The following PTCHD4 variants were observed in gnomAD, a reference collection of about 807,000 sequenced individuals.
PTCHD4 encodes patched domain-containing protein 4.
PTCHD4 carries 33 observed loss-of-function variants against 58.1 expected under a neutral mutation model. That is an observed-to-expected ratio of 0.57 (90% CI 0.43 to 0.76). The LOEUF (loss-of-function observed/expected upper bound fraction) is 0.76, where lower values mean the gene tolerates loss of function less well. Ranked by LOEUF, PTCHD4 falls within the 30% of genes least tolerant of loss-of-function variation. The pLI is 0.00. For synonymous variants in PTCHD4, 478 were observed against 409.6 expected (o/e 1.17, Z -2.02); for missense variants, 1,058 against 1,027.1 (o/e 1.03, Z -0.41).
chr6:47,896,711 G>A (rs1764539548), intron 4 of PTCHD4, among the ~76,000 whole-genome samples: 1 of 152,086 alleles, frequency 6.6e-6, no homozygotes, highest in African/African-American at 2.4e-5. Flanking sequence ...CACTAAATGG[G>A]GAGATGTACA....
chr6:48,034,585 A>G (rs2114139330), intron 3 of PTCHD4, among the ~76,000 whole-genome samples: 1 of 152,236 alleles, frequency 6.6e-6, no homozygotes, highest in African/African-American at 2.4e-5. Context: ...TGGAGATAGT[A>G]TTGTTGACAT....
intron 4 of PTCHD4, among the ~76,000 whole-genome samples, chr6:47,956,698 G>T (rs907058866): frequency 6.6e-6 from 1 of 152,118 alleles, no homozygotes; most frequent in Non-Finnish European, 1.5e-5. Flanking sequence ...CTCCTAAAGC[G>T]CTGAGATTAC....
Position 48,080,254 on chromosome 6 carries a change from T to TA in PTCHD4, c.-969-10329dup, listed in dbSNP as rs534196465. Reference sequence around the variant, plus strand: ...CTTGGCAAATATTCAGCCTTTTAGCTAAAAAAAAGCAATGTAAACAAAATG... The same window carrying TA: ...CTTGGCAAATATTCAGCCTTTTAGCTAAAAAAAAAGCAATGTAAACAAAATG... On this transcript the variant is annotated intron_variant, in intron 1 of 4. Transcript: ENST00000339488. Among the ~76,000 whole-genome samples the TA allele has an allele frequency of 3.0e-3, 463 of 151,960 alleles. 3 individuals are homozygous for TA. The highest frequency in any genetic ancestry group is 0.011 in the African/African-American group (439 of 41,472).
intron 3 of PTCHD4, among the ~76,000 whole-genome samples, chr6:48,048,082 C>A (rs1241590443): frequency 6.7e-6 from 1 of 149,444 alleles, no homozygotes; most frequent in African/African-American, 2.5e-5. Context: ...TTACTAGTTA[C>A]CTGAAAAAGG....
intron 4 of PTCHD4, among the ~76,000 whole-genome samples, chr6:47,992,391 C>A (rs1167334233): frequency 6.6e-6 from 1 of 152,144 alleles, no homozygotes; most frequent in Non-Finnish European, 1.5e-5. Flanking sequence ...AGAAGACTTC[C>A]TTCCAATTTA....
chr6:48,100,168 C>G (rs1765570766), intron 1 of PTCHD4, among the ~76,000 whole-genome samples: 1 of 152,080 alleles, frequency 6.6e-6, no homozygotes, highest in Admixed American at 6.6e-5. Context: ...AGATGTGAAA[C>G]AAGTTGAAGT....
At chr6:48,074,260 C>T (rs1004784867) in intron 1 of PTCHD4, among the ~76,000 whole-genome samples, 2 of 152,116 alleles carry the variant, frequency 1.3e-5, no homozygotes, top group African/African-American at 4.8e-5. Context: ...CATTTCTTAT[C>T]TCACATAACA....
chr6:48,051,980 C>T (rs1015217497), intron 3 of PTCHD4, among the ~76,000 whole-genome samples: 1 of 151,940 alleles, frequency 6.6e-6, no homozygotes, highest in African/African-American at 2.4e-5. Context: ...TGTCTTCTTT[C>T]CTGACTAGAT....
intron 4 of PTCHD4, among the ~76,000 whole-genome samples, chr6:47,908,914 A>T (rs1219219012): frequency 6.6e-6 from 1 of 152,178 alleles, no homozygotes; most frequent in East Asian, 1.9e-4. Context: ...TGGAATAATG[A>T]AATAATAATA....
In PTCHD4 at chr6:48,068,892, G is replaced by A. The variant is rs1425883764; in HGVS notation, c.5+61C>T. Reference sequence around the variant, plus strand: ...CGCGTGGGGGCGGGCGGCGGGCGCCGCGGGGCCCACCCCCTCCCCGGTCTC... The same window carrying A: ...CGCGTGGGGGCGGGCGGCGGGCGCCACGGGGCCCACCCCCTCCCCGGTCTC... On this transcript the variant is annotated intron_variant, in intron 2 of 4. Transcript: ENST00000339488. The surrounding 1 kb of genome is among the most constrained non-coding windows in gnomAD (Gnocchi z 4.2). 6.6e-6 allele frequency among the ~76,000 whole-genome samples: 1 copy of A among 151,554 alleles called. No homozygotes were observed. Among genetic ancestry groups the A allele is most frequent in the African/African-American group, 2.4e-5 (1 of 41,256 alleles).
chr6:48,012,901 C>G (rs1439261847), intron 3 of PTCHD4, among the ~76,000 whole-genome samples: 2 of 152,096 alleles, frequency 1.3e-5, no homozygotes, highest in Non-Finnish European at 2.9e-5. Flanking sequence ...GTTGAACTAG[C>G]CTTGCATCCC....
intron 4 of PTCHD4, among the ~76,000 whole-genome samples, chr6:47,930,462 A>T (rs1249990377): frequency 6.6e-6 from 1 of 152,206 alleles, no homozygotes; most frequent in Non-Finnish European, 1.5e-5. Flanking sequence ...AACCTTAGCT[A>T]TGTGTGTCTA....
At chr6:48,004,557 T>C (rs1318127267) in intron 4 of PTCHD4, among the ~76,000 whole-genome samples, 1 of 152,172 alleles carries the variant, frequency 6.6e-6, no homozygotes, top group East Asian at 1.9e-4. Context: ...GCCATTCTCA[T>C]TGGTATGTGC....
Position 47,867,455 on chromosome 6 carries a change from G to A in PTCHD4, c.*10848C>T, listed in dbSNP as rs908473987. On this transcript the variant is annotated 3_prime_UTR_variant, in exon 5 of 5. Transcript: ENST00000339488. ...TTTGTAAACCATTCACTGCATTTAA[G>A]CCCAAGGATACATCATAAAAAGAGC... is the stretch of plus-strand genomic sequence containing the variant. Among the ~76,000 whole-genome samples the A allele has an allele frequency of 2.6e-5, 4 of 151,678 alleles. No individual in the cohort carries two copies. The highest frequency in any genetic ancestry group is 2.6e-4 in the Admixed American group (4 of 15,200).
chr6:48,032,534 C>A (rs868661113), intron 3 of PTCHD4, among the ~76,000 whole-genome samples: 12 of 151,520 alleles, frequency 7.9e-5, no homozygotes, highest in Admixed American at 3.9e-4. Flanking sequence ...TAGACAGAAG[C>A]GAAATTAAGT....
At chr6:48,071,486 G>A (rs1170255367) in intron 1 of PTCHD4, among the ~76,000 whole-genome samples, 3 of 152,172 alleles carry the variant, frequency 2.0e-5, no homozygotes, top group Non-Finnish European at 4.4e-5. Flanking sequence ...TTTATTGCTA[G>A]ATGATGGGAT....
chr6:48,073,563 A>G (rs891278985), intron 1 of PTCHD4, among the ~76,000 whole-genome samples: 3 of 152,226 alleles, frequency 2.0e-5, no homozygotes, highest in Non-Finnish European at 4.4e-5. Flanking sequence ...GTGGAATAAA[A>G]CAAAGTTTTA....
chr6:48,067,362 TC>T (rs1296740191), intron 3 of PTCHD4, among the ~76,000 whole-genome samples: 1 of 152,250 alleles, frequency 6.6e-6, no homozygotes, highest in African/African-American at 2.4e-5. Flanking sequence ...TTTTTTTCTT[TC>T]CTTTTGTTAT....
chr6:47,894,356 A>G (rs10755754), intron 4 of PTCHD4, among the ~76,000 whole-genome samples: 112,649 of 152,192 alleles, frequency 0.74, 41,914 homozygotes, highest in East Asian at 0.84. Context: ...TGAGGATAGC[A>G]GGTGGGGAAG....
Sources: allele counts gnomAD v4.1 joint callset (sites outside exome capture counted in the v4.1 genomes callset), GRCh38; gene constraint gnomAD v4.1.1; non-coding constraint Gnocchi (gnomAD v3.1); transcripts MANE v1.5; gene names NCBI Gene and HGNC (gene_info 2026-07-23, HGNC 2026-07-21).